The following PCDHA1 variants were observed in gnomAD, a reference collection of about 807,000 sequenced individuals.
The protein encoded by PCDHA1 is protocadherin alpha-1.
In PCDHA1, 42 loss-of-function variants were observed where a neutral mutation model predicts 61.3. That is an observed-to-expected ratio of 0.69 (90% CI 0.54 to 0.89). PCDHA1 has a LOEUF of 0.89. Among genes scored for constraint, PCDHA1 ranks in the 40% least tolerant of loss-of-function variants. PCDHA1 has a pLI of 0.00. For synonymous variants in PCDHA1, 610 were observed against 553.8 expected, an observed-to-expected ratio of 1.10 and a Z score of -1.43; for missense variants, 1,256 against 1,235.3, an observed-to-expected ratio of 1.02 and a Z score of -0.25.
intron 3 of PCDHA1, among the ~76,000 whole-genome samples, chr5:140,991,146 G>A (rs2097434554): frequency 6.6e-6 from 1 of 151,978 alleles, no homozygotes; most frequent in African/African-American, 2.4e-5. Context: ...AATGTTTTTT[G>A]CTCACCATTG....
intron 1 of PCDHA1, among the ~76,000 whole-genome samples, chr5:140,919,778 A>G (rs1252402940): frequency 2.6e-5 from 4 of 152,170 alleles, no homozygotes; most frequent in Non-Finnish European, 5.9e-5. Context: ...TGTTACACAT[A>G]TTACATCTTG....
intron 1 of PCDHA1, among the ~76,000 whole-genome samples, chr5:140,960,552 A>T (rs1269039449): frequency 6.6e-6 from 1 of 152,162 alleles, no homozygotes; most frequent in Non-Finnish European, 1.5e-5. Flanking sequence ...CTTCATATAG[A>T]CTGAGCTTAG....
Position 140,786,345 on chromosome 5 carries a change from C to T in PCDHA1, c.55C>T (p.Leu19=), listed in dbSNP as rs782407412. The change falls in exon 1 of 4, where the codon CTG becomes TTG. Residue 19 remains leucine (L), a synonymous_variant. Coordinates refer to ENST00000504120, the MANE Select transcript of PCDHA1 (RefSeq NM_018900.4). ...LGARDLLLWL[L]LLAAWEVGSG... ...AGCCCGGGATCTGCTTCTTTGGCTTCTGCTCCTCGCAGCCTGGGAGGTGGG... is the reference window on the plus strand; with the variant it reads ...AGCCCGGGATCTGCTTCTTTGGCTTTTGCTCCTCGCAGCCTGGGAGGTGGG... 6.2e-7 allele frequency: 1 copy of T among 1,613,818 alleles called. No homozygotes were observed. Among genetic ancestry groups the T allele is most frequent in the South Asian group, 1.1e-5 (1 of 91,050 alleles).
chr5:140,897,253 T>C (rs1481151592), intron 1 of PCDHA1, among the ~76,000 whole-genome samples: 1 of 151,928 alleles, frequency 6.6e-6, no homozygotes, highest in East Asian at 1.9e-4. Flanking sequence ...TACATATGTA[T>C]ACATGTGCCA....
intron 1 of PCDHA1, chr5:140,858,744 A>G: frequency 2.2e-6 from 1 of 461,862 alleles, no homozygotes; most frequent in South Asian, 3.0e-5. Flanking sequence ...TTTCATAATC[A>G]CTTTTCGTTA....
chr5:140,841,080 C>T, intron 1 of PCDHA1: 1 of 535,424 alleles, frequency 1.9e-6, no homozygotes, highest in Non-Finnish European at 3.2e-6. Flanking sequence ...ATAGAAAGTG[C>T]ATAGAAGAAC....
chr5:140,824,374 G>A lies in PCDHA1; in HGVS notation c.2394+35690G>A, dbSNP rs1722536546. On this transcript the variant is annotated intron_variant, in intron 1 of 3. Coordinates refer to ENST00000504120, the MANE Select transcript of PCDHA1 (RefSeq NM_018900.4). ...TATTTTATATTAGCATTTGAATTTT[G>A]CATCTCTAAAAATGTAGGATAATAA... 2.5e-5 allele frequency: 14 copies of A among 568,300 alleles called. No individual in the cohort carries two copies. In the South Asian group the frequency reaches 3.2e-4, roughly 13 times the overall value. The allele number at this position is 568,300 out of a possible 1,614,324, so 35.2% of individuals were successfully genotyped here. A position where few individuals can be genotyped will look rare whatever the true frequency, so the allele number is the denominator to read the frequency against.
At chr5:140,954,275 T>C (rs1447578594) in intron 1 of PCDHA1, among the ~76,000 whole-genome samples, 1 of 152,218 alleles carries the variant, frequency 6.6e-6, no homozygotes, top group Non-Finnish European at 1.5e-5. Context: ...AATAGGATGA[T>C]TTATATTCCT....
At chr5:140,821,748 G>C (rs2150110401) in intron 1 of PCDHA1, 1 of 1,571,216 alleles carries the variant, frequency 6.4e-7, no homozygotes, top group Non-Finnish European at 8.6e-7. Context: ...TGATGCAATA[G>C]AAAGCTCATA....
chr5:140,961,704 C>T (rs1381981839), intron 1 of PCDHA1, among the ~76,000 whole-genome samples: 1 of 152,086 alleles, frequency 6.6e-6, no homozygotes, highest in African/African-American at 2.4e-5. Flanking sequence ...GTATGAATGC[C>T]TTCATTTCTA....
chr5:140,930,453 C>G (rs1195640207), intron 1 of PCDHA1: 6 of 152,300 alleles, frequency 3.9e-5, no homozygotes, highest in African/African-American at 1.5e-4. Flanking sequence ...AAACTCCTAG[C>G]CTCAAGTGAT....
At chr5:140,795,635 G>A in intron 1 of PCDHA1, 1 of 1,614,114 alleles carries the variant, frequency 6.2e-7, no homozygotes, top group African/African-American at 1.3e-5. Context: ...GAGCTCACGG[G>A]CACCGTTCAA....
intron 1 of PCDHA1, among the ~76,000 whole-genome samples, chr5:140,950,457 A>C (rs1392302571): frequency 6.6e-6 from 1 of 152,048 alleles, no homozygotes; most frequent in Non-Finnish European, 1.5e-5. Flanking sequence ...ACTGTCTTCT[A>C]ATGCTCATAG....
rs2150449498 is a variant in PCDHA1 at position 140,849,775 on chromosome 5, C to A, written c.2394+61091C>A. 6.3e-7 allele frequency: 1 copy of A among 1,598,434 alleles called. No homozygotes were observed. The highest frequency in any genetic ancestry group is 8.6e-7 in the Non-Finnish European group (1 of 1,167,964). Reference sequence around the variant, plus strand: ...TCCGCCTACGAGCTGGTGGTTACCGCGCGGGACGGGGGCTCGCCTTCACTG... The same window carrying A: ...TCCGCCTACGAGCTGGTGGTTACCGAGCGGGACGGGGGCTCGCCTTCACTG... On this transcript the variant is annotated intron_variant, in intron 1 of 3. Transcript: ENST00000504120.
chr5:140,916,090 G>A (rs1464191226), intron 1 of PCDHA1, among the ~76,000 whole-genome samples: 1 of 152,160 alleles, frequency 6.6e-6, no homozygotes, highest in African/African-American at 2.4e-5. Context: ...TGGTCCACAG[G>A]GAATCTGCCT....
chr5:140,869,434 G>A, intron 1 of PCDHA1: 1 of 1,614,218 alleles, frequency 6.2e-7, no homozygotes, highest in Non-Finnish European at 8.5e-7. Flanking sequence ...GGTGATCGTG[G>A]ACAGGCCGCT....
chr5:140,870,829 G>A, intron 1 of PCDHA1: 1 of 1,613,790 alleles, frequency 6.2e-7, no homozygotes, highest in Non-Finnish European at 8.5e-7. Context: ...GGGAGGCGCA[G>A]TTAACAAGCT....
Position 140,999,346 on chromosome 5 carries a change from T to C in PCDHA1, c.2543-10281T>C, listed in dbSNP as rs115221132. ...ATCTGTGTGATTTATAAGCCTTGTC[T>C]CTTTTTAATGTTCACAATCCCATTA... On this transcript the variant is annotated intron_variant, in intron 3 of 3. Transcript: ENST00000504120. Among the ~76,000 whole-genome samples the C allele has an allele frequency of 2.6e-3, 399 of 152,360 alleles. 2 individuals are homozygous for C. In the Middle Eastern group the frequency reaches 0.041, roughly 16 times the overall value.
intron 1 of PCDHA1, chr5:140,813,284 A>T (rs1332732538): frequency 6.6e-6 from 1 of 152,192 alleles, no homozygotes; most frequent in South Asian, 2.1e-4. Context: ...TGAGAATTGT[A>T]TCATTCTGAG....
Sources: allele counts gnomAD v4.1 joint callset (sites outside exome capture counted in the v4.1 genomes callset), GRCh38; gene constraint gnomAD v4.1.1; transcripts MANE v1.5; gene names NCBI Gene and HGNC (gene_info 2026-07-23, HGNC 2026-07-21).